Variants in RBFOX1 observed in about 807,000 individuals in gnomAD.
The protein encoded by RBFOX1 is RNA binding fox-1 homolog 1, also known as RNA binding protein fox-1 homolog 1.
RBFOX1 carries 8 observed loss-of-function variants against 57.7 expected under a neutral mutation model. That is an observed-to-expected ratio of 0.14 (90% confidence interval 0.08 to 0.25). RBFOX1 has a LOEUF of 0.25. RBFOX1 is among the 10% of genes least tolerant of loss of function. RBFOX1 has a pLI of 1.00. For synonymous variants in RBFOX1, 326 were observed against 222.4 expected, an observed-to-expected ratio of 1.47 and a Z score of -4.15; for missense variants, 611 against 548.5, an observed-to-expected ratio of 1.11 and a Z score of -1.14.
At chr16:5,610,398 C>T (rs947746450) in intron 3 of RBFOX1, 2 of 152,204 alleles carry the variant, frequency 1.3e-5, no homozygotes, top group African/African-American at 4.8e-5. Context: ...GTTGATGCCT[C>T]GTGAGGCAAG....
chr16:5,263,700 C>T (rs2062790918), intron 1 of RBFOX1, among the ~76,000 whole-genome samples: 1 of 151,946 alleles, frequency 6.6e-6, no homozygotes. Context: ...GGTCAAGGTA[C>T]AGTGATCTAG....
At chr16:5,901,884 A>G (rs1289876947) in intron 4 of RBFOX1, among the ~76,000 whole-genome samples, 1 of 152,160 alleles carries the variant, frequency 6.6e-6, no homozygotes, top group African/African-American at 2.4e-5. Flanking sequence ...CCTATGCCCA[A>G]GCATTCTTGA....
At chr16:5,777,377 A>G (rs78550696) in intron 3 of RBFOX1, among the ~76,000 whole-genome samples, 5,560 of 152,254 alleles carry the variant, frequency 0.037, 315 homozygotes, top group African/African-American at 0.12. Context: ...CAGGGAAAAT[A>G]CCTCATCTCA....
At chr16:7,642,943 T>C (rs1213694929) in intron 11 of RBFOX1, among the ~76,000 whole-genome samples, 2 of 152,160 alleles carry the variant, frequency 1.3e-5, no homozygotes, top group East Asian at 1.9e-4. Flanking sequence ...GCGGGGGAAA[T>C]TGTCGATACC....
In RBFOX1 at chr16:5,684,925, G is replaced by C. The variant is rs1373455695; in HGVS notation, c.318+85964G>C. On this transcript the variant is annotated intron_variant, in intron 3 of 19. Transcript: ENST00000641259. ...GGCATCAGGGAGCTCTCCAGCGTAT[G>C]AGACACAGTTTATATTATCTCCCAG... Among the ~76,000 whole-genome samples, 4 of 152,296 alleles carry C rather than the reference G, an allele frequency of 2.6e-5. No homozygotes were observed. In the East Asian group the frequency reaches 7.7e-4, roughly 29 times the overall value.
At chr16:6,106,270 C>T (rs1218200374) in intron 1 of RBFOX1, among the ~76,000 whole-genome samples, 1 of 149,062 alleles carries the variant, frequency 6.7e-6, no homozygotes, top group East Asian at 2.0e-4. Context: ...CTACCCTGGC[C>T]AACATGGCAA....
intron 1 of RBFOX1, among the ~76,000 whole-genome samples, chr16:5,426,581 T>C (rs1048800787): frequency 6.6e-6 from 1 of 152,190 alleles, no homozygotes; most frequent in Middle Eastern, 3.2e-3. Flanking sequence ...TACTGATTTC[T>C]TTGCTGGAGG....
chr16:7,154,227 G>A (rs2076648464), intron 4 of RBFOX1, among the ~76,000 whole-genome samples: 1 of 152,176 alleles, frequency 6.6e-6, no homozygotes. Context: ...TACTGCCTTG[G>A]AGGATCTTCA....
intron 4 of RBFOX1, among the ~76,000 whole-genome samples, chr16:7,088,541 G>GT (rs1455022400): frequency 9.8e-5 from 6 of 61,372 alleles, no homozygotes; most frequent in South Asian, 1.1e-3. Flanking sequence ...GTTGTTTTTT[G>GT]TTGTTTTTTT....
intron 2 of RBFOX1, among the ~76,000 whole-genome samples, chr16:6,594,039 C>T (rs1476133880): frequency 1.3e-5 from 2 of 152,138 alleles, no homozygotes; most frequent in Non-Finnish European, 2.9e-5. Context: ...ATTAACTACC[C>T]AGGGAACATC....
intron 4 of RBFOX1, among the ~76,000 whole-genome samples, chr16:7,117,698 T>A (rs79956272): frequency 6.6e-6 from 1 of 152,346 alleles, no homozygotes; most frequent in East Asian, 1.9e-4. Flanking sequence ...TCTTTTGTTA[T>A]CTAACAGTTT....
At chr16:5,413,426 G>A (rs1249009721) in intron 1 of RBFOX1, among the ~76,000 whole-genome samples, 3 of 152,176 alleles carry the variant, frequency 2.0e-5, no homozygotes, top group Non-Finnish European at 4.4e-5. Context: ...TGGTATCCAT[G>A]TAGCTATTTA....
intron 4 of RBFOX1, among the ~76,000 whole-genome samples, chr16:5,957,387 G>A (rs565062801): frequency 2.6e-5 from 4 of 151,896 alleles, no homozygotes; most frequent in African/African-American, 9.7e-5. Flanking sequence ...GCTAATTTTT[G>A]TATTTTTAGT....
intron 2 of RBFOX1, among the ~76,000 whole-genome samples, chr16:6,379,035 G>A (rs1331694784): frequency 6.6e-6 from 1 of 152,194 alleles, no homozygotes; most frequent in East Asian, 1.9e-4. Flanking sequence ...GAGAATCGGT[G>A]TTGGGATTGT....
intron 3 of RBFOX1, among the ~76,000 whole-genome samples, chr16:5,693,622 G>C (rs1267795856): frequency 1.3e-5 from 2 of 152,168 alleles, no homozygotes; most frequent in African/African-American, 4.8e-5. Flanking sequence ...ATGGATTTCA[G>C]TGTGGGTGTT....
intron 1 of RBFOX1, among the ~76,000 whole-genome samples, chr16:5,445,344 A>G (rs1044560656): frequency 1.3e-5 from 2 of 152,088 alleles, no homozygotes; most frequent in South Asian, 2.1e-4. Context: ...TCCATGTTCT[A>G]CAAACTCAAC....
intron 3 of RBFOX1, among the ~76,000 whole-genome samples, chr16:6,867,461 G>T (rs2060138679): frequency 6.6e-6 from 1 of 152,162 alleles, no homozygotes; most frequent in Non-Finnish European, 1.5e-5. Context: ...GCTCACTCAT[G>T]TAATTCCAGC....
intron 3 of RBFOX1, among the ~76,000 whole-genome samples, chr16:7,032,139 T>C (rs748003733): frequency 8.6e-5 from 13 of 152,042 alleles, no homozygotes; most frequent in Non-Finnish European, 1.0e-4. Context: ...AAAAATCTTA[T>C]CTTGGCGGGG....
At chr16:7,697,724 C>A (rs1026670869) in intron 14 of RBFOX1, among the ~76,000 whole-genome samples, 2 of 152,132 alleles carry the variant, frequency 1.3e-5, no homozygotes, top group African/African-American at 4.8e-5. Flanking sequence ...TGCCTCCACA[C>A]ACACCTTTTT....
Sources: allele counts gnomAD v4.1 joint callset (sites outside exome capture counted in the v4.1 genomes callset), GRCh38; gene constraint gnomAD v4.1.1; transcripts MANE v1.5; gene names NCBI Gene and HGNC (gene_info 2026-07-23, HGNC 2026-07-21).